The following MYO16 variants were observed in gnomAD, a reference collection of about 807,000 sequenced individuals.
MYO16 encodes the protein unconventional myosin-XVI.
Under a neutral mutation model 205.3 loss-of-function variants are expected in MYO16, and 94 were observed. The observed-to-expected ratio is 0.46, with a 90% CI of 0.39 to 0.54. MYO16 has a LOEUF of 0.54. MYO16 is among the 20% of genes least tolerant of loss of function. MYO16 has a pLI of 0.00. For synonymous variants in MYO16, 988 were observed against 954.0 expected (o/e 1.04, Z -0.66); for missense variants, 2,315 against 2,387.5 (o/e 0.97, Z 0.63).
At chr13:108,726,147 C>T (rs914247921) in intron 3 of MYO16, among the ~76,000 whole-genome samples, 5 of 152,074 alleles carry the variant, frequency 3.3e-5, no homozygotes, top group African/African-American at 1.2e-4. Context: ...ATACACATCA[C>T]AGAAAAAGTA....
intron 8 of MYO16, among the ~76,000 whole-genome samples, chr13:108,821,016 A>G (rs576038352): frequency 4.6e-5 from 7 of 152,234 alleles, no homozygotes; most frequent in Non-Finnish European, 8.8e-5. Context: ...GTGGCTTTCA[A>G]AATTTAACAG....
intron 12 of MYO16, 36 bp downstream of exon 12, chr13:108,866,278 A>G (rs1383689878): frequency 2.9e-6 from 4 of 1,360,700 alleles, no homozygotes; most frequent in Non-Finnish European, 4.1e-6. Context: ...TGAATAATGT[A>G]GAGTAATACT....
At chr13:108,940,108 C>T (rs1882662291) in intron 16 of MYO16, among the ~76,000 whole-genome samples, 1 of 152,136 alleles carries the variant, frequency 6.6e-6, no homozygotes. Context: ...CATGAAATTT[C>T]TGCTTGCTGA....
Position 108,665,974 on chromosome 13 carries a change from G to C in MYO16, c.117G>C (p.Gln39His). The C allele has an allele frequency of 6.2e-7, 1 of 1,614,150 alleles. No individual in the cohort carries two copies. Among genetic ancestry groups the C allele is most frequent in the Non-Finnish European group, 8.5e-7 (1 of 1,180,000 alleles). Residue 39 changes from glutamine to histidine, a missense_variant, in exon 2 of 35, where the codon CAG becomes CAC. This residue lies in a region of MYO16 where 1,213 missense variants were observed against 1,274.4 expected (regional missense o/e 0.95). Coordinates refer to ENST00000457511, the MANE Select transcript of MYO16 (RefSeq NM_001198950.3). Reference sequence around the variant, plus strand: ...AGTCCCTTCCCCTTGGCCAACGGCAGCGTCTAGTGAAGCGCATGCGCTGTG... The same window carrying C: ...AGTCCCTTCCCCTTGGCCAACGGCACCGTCTAGTGAAGCGCATGCGCTGTG... ...LLESLPLGQR[Q>H]RLVKRMRCEQ...
At chr13:108,755,010 T>C (rs1010083037) in intron 4 of MYO16, among the ~76,000 whole-genome samples, 1 of 152,138 alleles carries the variant, frequency 6.6e-6, no homozygotes, top group African/African-American at 2.4e-5. Context: ...TAAAAAGTTA[T>C]AAAAAGTATA....
At chr13:108,506,038 G>A in the MYO16 span, among the ~76,000 whole-genome samples, 2 of 151,998 alleles carry the variant, frequency 1.3e-5, no homozygotes, top group African/African-American at 4.8e-5. Context: ...TTTTATGCCA[G>A]TGCCATACTG....
chr13:108,793,581 A>C lies in MYO16; in HGVS notation c.682A>C (p.Lys228Gln). 4 of 1,613,886 alleles carry C rather than the reference A, an allele frequency of 2.5e-6. No homozygotes were observed. The highest frequency in any genetic ancestry group is 3.4e-6 in the Non-Finnish European group (4 of 1,179,784). ...QRPMSMLTDV[K>Q]HFLSSGGNVN... ...ACCAATGAGTATGTTAACAGATGTC[A>C]AACACTTCTTATCATCTGGAGGAAA... The change falls in exon 6 of 35, where the codon AAA becomes CAA. Residue 228 changes from lysine (K) to glutamine (Q), a missense_variant. Lys to Gln is a moderately conservative substitution (Grantham distance 53, BLOSUM62 1). This residue lies in a region of MYO16 where 1,213 missense variants were observed against 1,274.4 expected (regional missense o/e 0.95). Coordinates refer to ENST00000457511, the MANE Select transcript of MYO16 (RefSeq NM_001198950.3).
chr13:108,625,613 C>G (rs189687827), upstream of MYO16, among the ~76,000 whole-genome samples: 364 of 152,256 alleles, frequency 2.4e-3, 4 homozygotes, highest in Admixed American at 0.011. Flanking sequence ...GTGTGAGACA[C>G]CTGTGGCTCA....
chr13:109,127,574 C>T lies in MYO16; in HGVS notation c.4051+24C>T. The stretch of plus-strand genomic sequence containing the variant: ...AGGTCAGCCCTGGGGAGGGACCCAG[C>T]CTCGTGTTCCGGGCTCGCGCATGCT... On this transcript the variant is annotated intron_variant, in intron 31 of 34. Transcript: ENST00000457511. The surrounding 1 kb of genome is among the most constrained non-coding windows in gnomAD (Gnocchi z 4.2). 1 of 1,602,080 alleles carries T rather than the reference C, an allele frequency of 6.2e-7. No homozygotes were observed. Among genetic ancestry groups the T allele is most frequent in the Non-Finnish European group, 8.5e-7 (1 of 1,178,088 alleles).
At chr13:108,875,503 A>T (rs939240702) in intron 12 of MYO16, among the ~76,000 whole-genome samples, 5 of 152,192 alleles carry the variant, frequency 3.3e-5, no homozygotes, top group Non-Finnish European at 7.3e-5. Flanking sequence ...GTAGTAATGG[A>T]CTATTCCACA....
rs1266031119 is a variant in MYO16 at position 108,855,530 on chromosome 13, C to T, written c.1336C>T (p.Arg446Cys). ...DGSLLYEIQK[R>C]FGNNQIYTFI... Reference sequence around the variant, plus strand: ...CAGCCTGCTCTATGAGATTCAGAAGCGCTTTGGGAACAATCAGATCTATGT... The same window carrying T: ...CAGCCTGCTCTATGAGATTCAGAAGTGCTTTGGGAACAATCAGATCTATGT... The change falls in exon 11 of 35, where the codon CGC becomes TGC. Residue 446 changes from arginine (R) to cysteine (C), a missense_variant. Physicochemically the swap from Arg to Cys is radical, Grantham distance 180 (BLOSUM62 -3). Around this residue, in one of 3 missense-constraint regions of MYO16, gnomAD observed 1,213 missense variants for 1,274.4 expected, o/e 0.95. Coordinates refer to ENST00000457511, the MANE Select transcript of MYO16 (RefSeq NM_001198950.3). The T allele has an allele frequency of 1.3e-6, 2 of 1,590,880 alleles. No homozygotes were observed. The highest frequency in any genetic ancestry group is 2.2e-5 in the East Asian group (1 of 44,512).
At chr13:108,906,345 G>A (rs938326479) in intron 15 of MYO16, among the ~76,000 whole-genome samples, 8 of 152,106 alleles carry the variant, frequency 5.3e-5, no homozygotes, top group African/African-American at 1.9e-4. Context: ...ATATCTTCCA[G>A]TAAATATAGC....
chr13:109,094,629 A>G (rs1888722489), intron 27 of MYO16, among the ~76,000 whole-genome samples: 1 of 152,142 alleles, frequency 6.6e-6, no homozygotes, highest in African/African-American at 2.4e-5. Context: ...GCACCTATCA[A>G]CCTGTCATCT....
At chr13:109,008,765 T>C in intron 21 of MYO16, 132 bp from the exon 22 acceptor site, 1 of 558,302 alleles carries the variant, frequency 1.8e-6, no homozygotes, top group Non-Finnish European at 3.1e-6. Context: ...CTATCTTGTG[T>C]ATGCACTACT....
At chr13:108,621,442 T>C (rs796208872) in intron 1 of MYO16, among the ~76,000 whole-genome samples, 15 of 152,342 alleles carry the variant, frequency 9.8e-5, no homozygotes, top group African/African-American at 3.4e-4. Context: ...ATTCTATTTC[T>C]AGAAATTCAT....
At chr13:109,186,346 G>A (rs1441327563) in intron 34 of MYO16, among the ~76,000 whole-genome samples, 1 of 152,190 alleles carries the variant, frequency 6.6e-6, no homozygotes, top group African/African-American at 2.4e-5. Context: ...ACGACCTGCT[G>A]CTGCTGGCCC....
At chr13:108,987,892 C>G (rs981076024) in intron 20 of MYO16, among the ~76,000 whole-genome samples, 4 of 152,170 alleles carry the variant, frequency 2.6e-5, no homozygotes, top group Non-Finnish European at 5.9e-5. Context: ...TAATTCAGTC[C>G]TTTCTCCACT....
At chr13:109,100,470 G>A (rs1888925566) in intron 27 of MYO16, among the ~76,000 whole-genome samples, 1 of 152,114 alleles carries the variant, frequency 6.6e-6, no homozygotes. Flanking sequence ...GTTTAAAAAT[G>A]GCTACTGGAT....
chr13:108,829,945 C>A (rs1180938419), intron 9 of MYO16, among the ~76,000 whole-genome samples: 3 of 147,844 alleles, frequency 2.0e-5, no homozygotes, highest in Non-Finnish European at 4.5e-5. Flanking sequence ...AAAAAGTGGG[C>A]AAAGGACATG....
Sources: gnomAD v4.1 joint callset for allele counts (sites outside exome capture counted in the v4.1 genomes callset) on GRCh38, gnomAD v4.1.1 for gene constraint, gnomAD v4.1.1 regional missense constraint, Gnocchi (gnomAD v3.1) non-coding constraint, MANE v1.5 for transcripts, NCBI Gene and HGNC (gene_info 2026-07-23, HGNC 2026-07-21) for gene names.